VWA8: variants seen among roughly 807,000 people sequenced by gnomAD.
VWA8 encodes von Willebrand factor A domain-containing protein 8.
In VWA8, 221 loss-of-function variants were observed where a neutral mutation model predicts 241.5. The observed-to-expected ratio is 0.91, with a 90% CI of 0.82 to 1.02. VWA8 has a LOEUF of 1.02. VWA8 is among the 50% of genes least tolerant of loss of function. The pLI, the probability that VWA8 is intolerant of heterozygous loss-of-function variation, is 0.00. For synonymous variants in VWA8, 852 were observed against 827.1 expected, an observed-to-expected ratio of 1.03 and a Z score of -0.52; for missense variants, 2,322 against 2,328.7, an observed-to-expected ratio of 1.00 and a Z score of 0.06.
intron 3 of VWA8, among the ~76,000 whole-genome samples, chr13:41,908,232 G>A (rs150216662): frequency 0.011 from 1,690 of 152,250 alleles, 36 homozygotes; most frequent in African/African-American, 0.039. Context: ...TTGGGAGGCC[G>A]AAGTGGGCAG....
At chr13:41,863,119 T>G (rs1252368642) in intron 12 of VWA8, among the ~76,000 whole-genome samples, 4 of 151,930 alleles carry the variant, frequency 2.6e-5, no homozygotes, top group Non-Finnish European at 5.9e-5. Flanking sequence ...CTTAATCTGG[T>G]GGGCATCATC....
At chr13:41,607,855 C>G (rs2044562599) in intron 39 of VWA8, among the ~76,000 whole-genome samples, 1 of 151,896 alleles carries the variant, frequency 6.6e-6, no homozygotes, top group Non-Finnish European at 1.5e-5. Flanking sequence ...GGTAATATGC[C>G]ATATACTTCT....
Position 41,571,310 on chromosome 13 carries a change from CCTCCCTCTCCCTCTCCCGT to C in VWA8, c.5371-623_5371-605del, listed in dbSNP as rs1308977670. On this transcript the variant is annotated intron_variant, in intron 43 of 44. Transcript: ENST00000379310. Reference sequence around the variant, plus strand: ...CTCCCTCTCCCGTCTCCCTCTCCCTCCTCCCTCTCCCTCTCCCGTCTCCCTCTCCCTCTCCCGTCTCCCT... The same window carrying C: ...CTCCCTCTCCCGTCTCCCTCTCCCTCCTCCCTCTCCCTCTCCCGTCTCCCT... Among the ~76,000 whole-genome samples the C allele has an allele frequency of 9.0e-3, 965 of 107,514 alleles. 48 individuals are homozygous for C. In the East Asian group the frequency reaches 0.13, roughly 14 times the overall value. The allele number at this position is 107,514 out of a possible 152,430, so 70.5% of individuals were successfully genotyped here.
chr13:41,799,456 T>C (rs1200103839), intron 17 of VWA8, among the ~76,000 whole-genome samples: 1 of 152,194 alleles, frequency 6.6e-6, no homozygotes, highest in East Asian at 1.9e-4. Context: ...ACAGTTTCTT[T>C]CCCACCCCAA....
chr13:41,738,507 T>C (rs1344370714), intron 21 of VWA8, among the ~76,000 whole-genome samples: 2 of 152,154 alleles, frequency 1.3e-5, no homozygotes, highest in Non-Finnish European at 2.9e-5. Flanking sequence ...GTTAATACTA[T>C]TTAAAAAGAA....
chr13:41,591,322 T>C (rs1373236580), intron 40 of VWA8, among the ~76,000 whole-genome samples: 1 of 152,182 alleles, frequency 6.6e-6, no homozygotes, highest in Non-Finnish European at 1.5e-5. Context: ...AAAAGTTTTT[T>C]CACATAATAC....
intron 37 of VWA8, among the ~76,000 whole-genome samples, chr13:41,663,341 TACTTGTTATTATTTTG>T (rs1246357277): frequency 2.0e-5 from 3 of 152,186 alleles, no homozygotes; most frequent in Admixed American, 6.5e-5. Flanking sequence ...GGTAAATTCC[TACTTGTTATTATTTTG>T]ACTTGTTATT....
intron 43 of VWA8, among the ~76,000 whole-genome samples, chr13:41,572,941 C>G (rs937959231): frequency 6.7e-6 from 1 of 150,308 alleles, no homozygotes; most frequent in Non-Finnish European, 1.5e-5. Context: ...AACCCTGTCT[C>G]TACTAAAAAT....
chr13:41,585,797 G>T (rs927227084), intron 42 of VWA8, among the ~76,000 whole-genome samples: 2 of 150,052 alleles, frequency 1.3e-5, no homozygotes, highest in African/African-American at 2.5e-5. Context: ...CCAGGAGGCA[G>T]AGGTTGCAGT....
At chr13:41,950,667 C>A (rs990202237) in intron 1 of VWA8, among the ~76,000 whole-genome samples, 4 of 119,522 alleles carry the variant, frequency 3.3e-5, no homozygotes, top group Admixed American at 2.6e-4. Context: ...CACACTCAGC[C>A]TTTTTTTTTT....
intron 14 of VWA8, among the ~76,000 whole-genome samples, chr13:41,826,380 G>C (rs1383322935): frequency 6.6e-6 from 1 of 152,054 alleles, no homozygotes; most frequent in Non-Finnish European, 1.5e-5. Flanking sequence ...GAACATAATA[G>C]AGAAAATAAA....
intron 2 of VWA8, among the ~76,000 whole-genome samples, chr13:41,939,371 A>G (rs1371886120): frequency 6.6e-6 from 1 of 152,208 alleles, no homozygotes; most frequent in Non-Finnish European, 1.5e-5. Context: ...TCACATAGAA[A>G]AGTAAAAAAG....
At chr13:41,571,596 T>TGCCTCC (rs1453502467) in intron 43 of VWA8, among the ~76,000 whole-genome samples, 1 of 152,184 alleles carries the variant, frequency 6.6e-6, no homozygotes, top group Non-Finnish European at 1.5e-5. Context: ...GTGATCTACC[T>TGCCTCC]GCCTCCGCCT....
At chr13:41,739,824 TTTG>T (rs1453705766) in intron 21 of VWA8, among the ~76,000 whole-genome samples, 1 of 98,856 alleles carries the variant, frequency 1.0e-5, no homozygotes, top group African/African-American at 4.7e-5. Context: ...TCATTGTTTT[TTTG>T]TTTTTTTTTT....
chr13:41,870,425 G>C (rs1873536835), intron 9 of VWA8, among the ~76,000 whole-genome samples: 1 of 152,198 alleles, frequency 6.6e-6, no homozygotes, highest in East Asian at 1.9e-4. Flanking sequence ...GATCACTTGA[G>C]GTCAGGAGTT....
chr13:41,955,243 AG>A (rs936940782), intron 1 of VWA8, among the ~76,000 whole-genome samples: 17 of 152,298 alleles, frequency 1.1e-4, no homozygotes, highest in Non-Finnish European at 2.5e-4. Context: ...AACATAATTT[AG>A]GCAAAAGAAG....
chr13:41,848,358 T>C (rs186723126), intron 12 of VWA8, among the ~76,000 whole-genome samples: 15 of 152,256 alleles, frequency 9.9e-5, no homozygotes, highest in African/African-American at 3.1e-4. Context: ...TTGCTAAGAT[T>C]AAAGAAATGT....
At chr13:41,753,085 T>C (rs911813057) in intron 21 of VWA8, among the ~76,000 whole-genome samples, 1 of 152,152 alleles carries the variant, frequency 6.6e-6, no homozygotes, top group Non-Finnish European at 1.5e-5. Context: ...AAGGCATGCA[T>C]ACAAATTCAA....
intron 40 of VWA8, among the ~76,000 whole-genome samples, chr13:41,591,313 A>G (rs531098362): frequency 2.0e-5 from 3 of 151,058 alleles, no homozygotes; most frequent in Admixed American, 2.0e-4. Flanking sequence ...TACTTTTCTA[A>G]AAGTTTTTTC....
Sources: gnomAD v4.1 joint callset for allele counts (sites outside exome capture counted in the v4.1 genomes callset) on GRCh38, gnomAD v4.1.1 for gene constraint, MANE v1.5 for transcripts, NCBI Gene and HGNC (gene_info 2026-07-23, HGNC 2026-07-21) for gene names.